Variants in CACHD1 observed in about 807,000 individuals in gnomAD.
CACHD1 encodes the protein VWFA and cache domain-containing protein 1.
In CACHD1, 71 loss-of-function variants were observed where a neutral mutation model predicts 138.7. The ratio of observed to expected loss-of-function variants is 0.51; its 90% confidence interval spans 0.42 to 0.62. The LOEUF is 0.62. CACHD1 is among the 20% of genes least tolerant of loss of function. The probability of loss-of-function intolerance (pLI) is 0.00; values close to 1 mark genes in which losing one functional copy is unlikely to be tolerated. For synonymous variants in CACHD1, 578 were observed against 591.5 expected (o/e 0.98, Z 0.33); for missense variants, 1,389 against 1,625.3 (o/e 0.85, Z 2.50).
intron 17 of CACHD1, among the ~76,000 whole-genome samples, chr1:64,671,969 T>G (rs1649833772): frequency 6.6e-6 from 1 of 152,206 alleles, no homozygotes; most frequent in African/African-American, 2.4e-5. Flanking sequence ...AATTAGAGGC[T>G]TCCCATATCT....
chr1:64,596,141 T>C (rs1417062427), intron 3 of CACHD1, among the ~76,000 whole-genome samples: 3 of 152,198 alleles, frequency 2.0e-5, no homozygotes, highest in African/African-American at 7.2e-5. Flanking sequence ...ACTTTATAAA[T>C]GTGATAGTTC....
At chr1:64,515,475 A>T (rs952441265) in intron 1 of CACHD1, among the ~76,000 whole-genome samples, 6 of 152,374 alleles carry the variant, frequency 3.9e-5, no homozygotes, top group Admixed American at 2.6e-4. Flanking sequence ...TATGCAATTA[A>T]TAATGAAAAT....
At chr1:64,685,279 A>G (rs1454172434) in intron 26 of CACHD1, among the ~76,000 whole-genome samples, 1 of 152,234 alleles carries the variant, frequency 6.6e-6, no homozygotes, top group Non-Finnish European at 1.5e-5. Flanking sequence ...GCCTAGAAGA[A>G]TAGGCTATGC....
chr1:64,512,376 A>G (rs1392293602), intron 1 of CACHD1, among the ~76,000 whole-genome samples: 1 of 135,712 alleles, frequency 7.4e-6, no homozygotes, highest in African/African-American at 2.9e-5. Context: ...CCTCGGTGAC[A>G]CAGTGAGACT....
At chr1:64,535,489 T>C (rs1646625259) in intron 1 of CACHD1, among the ~76,000 whole-genome samples, 1 of 151,904 alleles carries the variant, frequency 6.6e-6, no homozygotes, top group Non-Finnish European at 1.5e-5. Flanking sequence ...CCACACCTGG[T>C]TAATTTTGTA....
intron 2 of CACHD1, among the ~76,000 whole-genome samples, chr1:64,567,040 A>G (rs1248645897): frequency 6.6e-6 from 1 of 152,132 alleles, no homozygotes; most frequent in Non-Finnish European, 1.5e-5. Flanking sequence ...CCATGACAGA[A>G]TAGTTCACAC....
chr1:64,618,080 C>CAAAA (rs11418731), intron 4 of CACHD1, among the ~76,000 whole-genome samples: 1 of 144,242 alleles, frequency 6.9e-6, no homozygotes, highest in Non-Finnish European at 1.5e-5. Context: ...AACTCAGTCT[C>CAAAA]AAAAAAAAAA....
chr1:64,558,522 A>T (rs2100475734), intron 2 of CACHD1, among the ~76,000 whole-genome samples: 1 of 152,326 alleles, frequency 6.6e-6, no homozygotes, highest in African/African-American at 2.4e-5. Flanking sequence ...GACTTGATAA[A>T]ACCAGTTTGG....
At chr1:64,639,572 C>CA (rs1225438722) in intron 7 of CACHD1, among the ~76,000 whole-genome samples, 1 of 152,124 alleles carries the variant, frequency 6.6e-6, no homozygotes, top group Non-Finnish European at 1.5e-5. Context: ...ATTTTGAATG[C>CA]ATTTATTTCT....
chr1:64,603,623 G>C (rs1400547754), intron 4 of CACHD1, among the ~76,000 whole-genome samples: 2 of 152,142 alleles, frequency 1.3e-5, no homozygotes, highest in African/African-American at 2.4e-5. Flanking sequence ...AAAATGCTGT[G>C]AGAGCTTTTC....
At chr1:64,532,711 A>G (rs548814560) in intron 1 of CACHD1, among the ~76,000 whole-genome samples, 73 of 152,328 alleles carry the variant, frequency 4.8e-4, no homozygotes, top group Admixed American at 1.2e-3. Flanking sequence ...CTGTGAATTC[A>G]TTGGTAAGCC....
At chr1:64,561,680 C>T (rs1366381346) in intron 2 of CACHD1, among the ~76,000 whole-genome samples, 2 of 131,516 alleles carry the variant, frequency 1.5e-5, no homozygotes, top group African/African-American at 5.2e-5. Flanking sequence ...TAGGGAGACA[C>T]CCATTGTCTA....
intron 4 of CACHD1, among the ~76,000 whole-genome samples, chr1:64,607,363 A>T (rs1159026080): frequency 6.6e-6 from 1 of 152,192 alleles, no homozygotes; most frequent in African/African-American, 2.4e-5. Context: ...AAAACCAGCC[A>T]TATGATTTAG....
intron 2 of CACHD1, among the ~76,000 whole-genome samples, chr1:64,564,008 G>T (rs1646862052): frequency 6.6e-6 from 1 of 152,150 alleles, no homozygotes. Context: ...GATACCAAAA[G>T]AATTCATGAA....
At chr1:64,631,816 A>T (rs140820922) in intron 5 of CACHD1, among the ~76,000 whole-genome samples, 1 of 152,096 alleles carries the variant, frequency 6.6e-6, no homozygotes, top group Non-Finnish European at 1.5e-5. Flanking sequence ...AAGAGTGGCT[A>T]TCACAGACTT....
intron 1 of CACHD1, among the ~76,000 whole-genome samples, chr1:64,527,569 G>T (rs1048933718): frequency 2.0e-5 from 3 of 152,124 alleles, no homozygotes; most frequent in Admixed American, 6.6e-5. Flanking sequence ...CCTGAGGCAG[G>T]CTGGTGTCTC....
At chr1:64,656,342 G>GAT (rs1649260580) in intron 12 of CACHD1, among the ~76,000 whole-genome samples, 2 of 152,166 alleles carry the variant, frequency 1.3e-5, no homozygotes, top group South Asian at 4.1e-4. Flanking sequence ...TCTTTAGAAT[G>GAT]ATAGCACCAT....
At chr1:64,601,491 G>A (rs1484103943) in intron 3 of CACHD1, among the ~76,000 whole-genome samples, 2 of 152,244 alleles carry the variant, frequency 1.3e-5, no homozygotes. Context: ...CATTGTCGGT[G>A]TAACTCTGCA....
At chr1:64,527,659 T>C (rs1163995655) in intron 1 of CACHD1, among the ~76,000 whole-genome samples, 2 of 152,254 alleles carry the variant, frequency 1.3e-5, no homozygotes, top group African/African-American at 2.4e-5. Flanking sequence ...TTAAAACCAA[T>C]TTCCTTTCTC....
Sources: gnomAD v4.1 joint callset for allele counts (sites outside exome capture counted in the v4.1 genomes callset) on GRCh38, gnomAD v4.1.1 for gene constraint, MANE v1.5 for transcripts, NCBI Gene and HGNC (gene_info 2026-07-23, HGNC 2026-07-21) for gene names.